STAP2: variants seen among roughly 807,000 people sequenced by gnomAD.
STAP2 encodes the protein signal-transducing adaptor protein 2.
STAP2 carries 58 observed loss-of-function variants against 52.7 expected under a neutral mutation model. The ratio of observed to expected loss-of-function variants is 1.10; its 90% confidence interval spans 0.89 to 1.37. The LOEUF is 1.37. Among genes scored for constraint, STAP2 ranks in the 40% most tolerant of loss-of-function variants. STAP2 has a pLI of 0.00. For synonymous variants in STAP2, 231 were observed against 210.5 expected (o/e 1.10, Z -0.84); for missense variants, 522 against 519.4 (o/e 1.00, Z -0.05).
Position 4,336,674 on chromosome 19 carries a change from C to A in STAP2, c.102+1978G>T, listed in dbSNP as rs920934821. On this transcript the variant is annotated intron_variant, in intron 1 of 12. Transcript: ENST00000594605. ...TTTTGAGAGCAGTCTCGCTCTTGTCCCCCAGGTTTGAGTGCAATGGCTTGA... is the reference window on the plus strand; with the variant it reads ...TTTTGAGAGCAGTCTCGCTCTTGTCACCCAGGTTTGAGTGCAATGGCTTGA... Among the ~76,000 whole-genome samples the A allele has an allele frequency of 2.6e-5, 4 of 150,996 alleles. No homozygotes were observed. In the Admixed American group the frequency reaches 2.7e-4, roughly 10 times the overall value.
chr19:4,338,633 C>T lies in STAP2; in HGVS notation c.102+19G>A. On this transcript the variant is annotated intron_variant, in intron 1 of 12. Transcript: ENST00000594605. ...CCCACGGTGGCCCAGCAGGGCCAGCCCCCGCCTCCCCACCTTACCCGGTCA... is the reference window on the plus strand; with the variant it reads ...CCCACGGTGGCCCAGCAGGGCCAGCTCCCGCCTCCCCACCTTACCCGGTCA... The T allele has an allele frequency of 6.2e-7, 1 of 1,608,584 alleles. No individual in the cohort carries two copies. The highest frequency in any genetic ancestry group is 8.5e-7 in the Non-Finnish European group (1 of 1,177,394).
intron 12 of STAP2, 71 bp downstream of exon 12, chr19:4,324,384 T>C: frequency 7.1e-7 from 1 of 1,415,004 alleles, no homozygotes; most frequent in Non-Finnish European, 9.6e-7. Flanking sequence ...CTTCGGAGTG[T>C]GGGGACTTGT....
chr19:4,327,261 A>G (rs996537354), intron 7 of STAP2, 35 bp from the exon 8 acceptor site: 2 of 1,613,730 alleles, frequency 1.2e-6, no homozygotes, highest in Non-Finnish European at 1.7e-6. Context: ...AGGCTGCTGG[A>G]GAAGGGACGC....
chr19:4,327,198 A>AC lies in STAP2; in HGVS notation c.688dup (p.Val230GlyfsTer32). 1 of 1,614,086 alleles carries AC rather than the reference A, an allele frequency of 6.2e-7. No individual in the cohort carries two copies. The highest frequency in any genetic ancestry group is 8.5e-7 in the Non-Finnish European group (1 of 1,180,006). ...TTTGGTATGCGACACGAAATAGTTG[A>AC]CCACGGCGTCCAGGGAGGTGCAAGA... On this transcript the variant is annotated frameshift_variant, in exon 8 of 13. Coordinates refer to ENST00000594605, the MANE Select transcript of STAP2 (RefSeq NM_001013841.2). LOFTEE classifies it high-confidence loss of function.
At chr19:4,327,492 ATAC>A in intron 6 of STAP2, 107 bp from the exon 7 acceptor site, 1 of 1,233,332 alleles carries the variant, frequency 8.1e-7, no homozygotes, top group Non-Finnish European at 1.2e-6. Flanking sequence ...AAACAGGTCC[ATAC>A]TGGCTCCGCC....
At position 4,332,003 on chromosome 19, in the gene STAP2, A is replaced by G. The variant is rs1350785083; in HGVS notation, c.354+19T>C. ...ATCTGGAGAATGGGAGAGAGGGCGC[A>G]GAGAGCCACTACTCTTACCTCCACC... On this transcript the variant is annotated intron_variant, in intron 4 of 12. Coordinates refer to ENST00000594605, the MANE Select transcript of STAP2 (RefSeq NM_001013841.2). 10 of 1,607,476 alleles carry G rather than the reference A, an allele frequency of 6.2e-6. No homozygotes were observed. The highest frequency in any genetic ancestry group is 1.3e-5 in the African/African-American group (1 of 74,436).
chr19:4,324,198 C>G lies in STAP2; in HGVS notation c.1148-1G>C. On this transcript the variant is annotated splice_acceptor_variant, in intron 12 of 12. Transcript: ENST00000594605. LOFTEE classifies it high-confidence loss of function. ...AGCTCTGCCGTCATGTCTGCCAGCC[C>G]TGGGGGTTCAGGACCAGGAGCTGCA... The G allele has an allele frequency of 1.3e-6, 2 of 1,551,136 alleles. No homozygotes were observed. Among genetic ancestry groups the G allele is most frequent in the Admixed American group, 2.0e-5 (1 of 51,004 alleles).
chr19:4,329,349 C>G (rs149472335), intron 5 of STAP2, among the ~76,000 whole-genome samples: 475 of 152,078 alleles, frequency 3.1e-3, no homozygotes, highest in African/African-American at 0.011. Flanking sequence ...AAGCAATCCT[C>G]CCGCCTCGAC....
intron 1 of STAP2, among the ~76,000 whole-genome samples, chr19:4,336,690 A>C (rs1415424771): frequency 6.6e-6 from 1 of 150,416 alleles, no homozygotes; most frequent in East Asian, 2.0e-4. Context: ...GTTTGAGTGC[A>C]ATGGCTTGAT....
Position 4,333,450 on chromosome 19 carries a change from C to T in STAP2, c.297+244G>A, listed in dbSNP as rs189093257. Among the ~76,000 whole-genome samples, 58 of 151,264 alleles carry T rather than the reference C, an allele frequency of 3.8e-4. No individual in the cohort carries two copies. In the East Asian group the frequency reaches 8.6e-3, roughly 22 times the overall value. ...GGTGGAGGTTGCAGTGAGCCAAGAT[C>T]GTGCCATTGCACTCCAGCCTGGGTG... is the stretch of plus-strand genomic sequence containing the variant. On this transcript the variant is annotated intron_variant, in intron 3 of 12. Transcript: ENST00000594605.
intron 1 of STAP2, among the ~76,000 whole-genome samples, chr19:4,335,582 T>TA (rs1971969377): frequency 6.6e-6 from 1 of 152,196 alleles, no homozygotes; most frequent in South Asian, 2.1e-4. Flanking sequence ...CAAGCACAGA[T>TA]ACACACATGC....
chr19:4,333,620 A>C, intron 3 of STAP2, 74 bp downstream of exon 3: 1 of 1,523,458 alleles, frequency 6.6e-7, no homozygotes, highest in Non-Finnish European at 8.7e-7. Context: ...CGTGGTTGGC[A>C]CAATGGAGGG....
chr19:4,325,483 GC>G lies in STAP2; in HGVS notation c.891del (p.Pro299HisfsTer13). 6.2e-7 allele frequency: 1 copy of G among 1,613,364 alleles called. No homozygotes were observed. The highest frequency in any genetic ancestry group is 8.5e-7 in the Non-Finnish European group (1 of 1,179,654). ...TGGTTCGGTAGTGGGGGCAGTGGGG[GC>G]AGCTTGTCCTGGCTAGACGCAGGTG... is the stretch of plus-strand genomic sequence containing the variant. Reference protein sequence around the residue: ...PLSPASSQDKLPPLPPLPNQE... With the variant: ...PLSPASSQDKXPPLPPLPNQE... On this transcript the variant is annotated frameshift_variant, in exon 10 of 13. Coordinates refer to ENST00000594605, the MANE Select transcript of STAP2 (RefSeq NM_001013841.2). LOFTEE classifies it high-confidence loss of function.
chr19:4,333,709 C>T lies in STAP2; in HGVS notation c.282G>A (p.Gln94=). ...AGGGACCTACCTTGAACTTGATCTC[C>T]TGATCCCGGAGAATCAGGCTGAAGT... The part of the protein sequence containing the change: ...GTHFSLILRD[Q]EIKFKVETLE... Residue 94 remains glutamine, a synonymous_variant, in exon 3 of 13, where the codon CAG becomes CAA. Coordinates refer to ENST00000594605, the MANE Select transcript of STAP2 (RefSeq NM_001013841.2). The T allele has an allele frequency of 1.2e-6, 2 of 1,612,392 alleles. No homozygotes were observed. The highest frequency in any genetic ancestry group is 2.2e-5 in the South Asian group (2 of 90,968).
At chr19:4,326,040 G>A (rs1037457111) in intron 9 of STAP2, among the ~76,000 whole-genome samples, 5 of 152,062 alleles carry the variant, frequency 3.3e-5, no homozygotes, top group Admixed American at 6.6e-5. Flanking sequence ...AAAGTGCAAC[G>A]TTTGTACACA....
chr19:4,324,287 T>C (rs1267883588), intron 12 of STAP2, 90 bp from the exon 13 acceptor site: 7 of 1,405,962 alleles, frequency 5.0e-6, no homozygotes, highest in Non-Finnish European at 6.9e-6. Flanking sequence ...CAGCTACAGA[T>C]TTGCAGGGCC....
chr19:4,332,027 C>T lies in STAP2; in HGVS notation c.349G>A (p.Val117Met), dbSNP rs144462461. Residue 117 changes from valine to methionine, a missense_variant, in exon 4 of 13, where the codon GTG (valine) becomes ATG (methionine). Transcript: ENST00000594605. Reference protein sequence around the residue: ...EMWKGFILTVVELRVPTDLTL... With the variant: ...EMWKGFILTVMELRVPTDLTL... ...CAGAGAGCCACTACTCTTACCTCCA[C>T]CACCGTTAAGATGAAGCCTTTCCAC... is the stretch of plus-strand genomic sequence containing the variant. 117 of 1,613,140 alleles carry T rather than the reference C, an allele frequency of 7.3e-5. No individual in the cohort carries two copies. Among genetic ancestry groups the T allele is most frequent in the East Asian group, 5.1e-4 (23 of 44,844 alleles).
At chr19:4,324,951 G>A (rs934879383) in intron 11 of STAP2, 8 of 465,708 alleles carry the variant, frequency 1.7e-5, no homozygotes, top group South Asian at 6.7e-5. Context: ...TGGCTAACAT[G>A]GTGAAACCCC....
At chr19:4,325,010 G>T (rs969185881) in intron 11 of STAP2, 3 of 553,916 alleles carry the variant, frequency 5.4e-6, no homozygotes, top group African/African-American at 1.9e-5. Flanking sequence ...ATGGTGGCGG[G>T]CACCTGTAGT....
Sources: gnomAD v4.1 joint callset for allele counts (sites outside exome capture counted in the v4.1 genomes callset) on GRCh38, gnomAD v4.1.1 for gene constraint, MANE v1.5 for transcripts, NCBI Gene and HGNC (gene_info 2026-07-23, HGNC 2026-07-21) for gene names.